CDK8: variants seen among roughly 807,000 people sequenced by gnomAD.
CDK8 encodes cyclin dependent kinase 8.
In CDK8, 29 loss-of-function variants were observed where a neutral mutation model predicts 71.5. The observed-to-expected ratio is 0.41, with a 90% CI of 0.30 to 0.55. The LOEUF (loss-of-function observed/expected upper bound fraction) is 0.55. Ranked by LOEUF, CDK8 falls within the 20% of genes least tolerant of loss-of-function variation. The probability of loss-of-function intolerance (pLI) is 0.37; values close to 1 mark genes in which losing one functional copy is unlikely to be tolerated. For missense variants in CDK8, 288 were observed against 572.6 expected (o/e 0.50, Z 5.07); for synonymous variants, 161 against 192.1 (o/e 0.84, Z 1.34).
intron 1 of CDK8, among the ~76,000 whole-genome samples, chr13:26,310,752 G>C (rs534619884): frequency 6.6e-6 from 1 of 152,244 alleles, no homozygotes; most frequent in East Asian, 1.9e-4. Flanking sequence ...TTATTGGTCT[G>C]AGGCCCTGGG....
intron 1 of CDK8, among the ~76,000 whole-genome samples, chr13:26,294,873 C>T (rs1873471847): frequency 6.6e-6 from 1 of 152,090 alleles, no homozygotes; most frequent in Non-Finnish European, 1.5e-5. Context: ...CCTCAGCCTC[C>T]TTAGTAGCTG....
chr13:26,344,056 C>T (rs1035461602), intron 2 of CDK8, among the ~76,000 whole-genome samples: 1 of 152,124 alleles, frequency 6.6e-6, no homozygotes, highest in East Asian at 1.9e-4. Context: ...CACCCTCCCT[C>T]CTCTGGTAGT....
At position 26,353,011 on chromosome 13, in the gene CDK8, G is replaced by A. The variant is rs555041462; in HGVS notation, c.316-729G>A. 3.1e-4 allele frequency among the ~76,000 whole-genome samples: 47 copies of A among 152,274 alleles called. 1 individual carries two copies. In the South Asian group the frequency reaches 8.7e-3, roughly 28 times the overall value. On this transcript the variant is annotated intron_variant, in intron 3 of 12. Coordinates refer to ENST00000381527, the MANE Select transcript of CDK8 (RefSeq NM_001260.3). ...GTGCAAGGCATAGTTTACTGCAGCC[G>A]AGTTATAGATTTTCCTGCAATTTAA...
intron 2 of CDK8, among the ~76,000 whole-genome samples, chr13:26,344,918 G>A (rs1247696303): frequency 2.6e-5 from 4 of 152,100 alleles, no homozygotes; most frequent in Non-Finnish European, 5.9e-5. Flanking sequence ...AAAGTGTAAT[G>A]TAATGAAAAC....
chr13:26,316,380 G>C (rs923334973), intron 1 of CDK8, among the ~76,000 whole-genome samples: 4 of 152,114 alleles, frequency 2.6e-5, no homozygotes, highest in Admixed American at 6.5e-5. Context: ...ACAGTAAAAA[G>C]AGAGATATAG....
At chr13:26,357,072 T>C (rs1873927777) in intron 4 of CDK8, among the ~76,000 whole-genome samples, 1 of 152,242 alleles carries the variant, frequency 6.6e-6, no homozygotes, top group African/African-American at 2.4e-5. Context: ...TATTAATTAA[T>C]AGAAATACTG....
intron 3 of CDK8, 91 bp from the exon 4 acceptor site, chr13:26,353,649 G>T: frequency 2.0e-6 from 2 of 985,500 alleles, no homozygotes; most frequent in Non-Finnish European, 1.5e-6. Flanking sequence ...GGGAATCCCT[G>T]AGTGTTTCTT....
chr13:26,391,647 A>G (rs1875749206), intron 6 of CDK8, among the ~76,000 whole-genome samples: 1 of 152,256 alleles, frequency 6.6e-6, no homozygotes, highest in Non-Finnish European at 1.5e-5. Context: ...ATACCCATAT[A>G]AAAAGAATAA....
intron 3 of CDK8, among the ~76,000 whole-genome samples, chr13:26,350,511 T>C (rs974293024): frequency 1.3e-5 from 2 of 152,274 alleles, no homozygotes; most frequent in East Asian, 1.9e-4. Flanking sequence ...TGGCACATGC[T>C]GTGGTCCCAG....
chr13:26,395,438 G>A (rs994004892), intron 7 of CDK8, among the ~76,000 whole-genome samples: 10 of 149,688 alleles, frequency 6.7e-5, no homozygotes, highest in East Asian at 2.0e-4. Context: ...AGCCGAGATC[G>A]CACCATTGCA....
At chr13:26,400,333 G>A in intron 9 of CDK8, 120 bp from the exon 10 acceptor site, 2 of 668,676 alleles carry the variant, frequency 3.0e-6, no homozygotes, top group Admixed American at 2.3e-5. Flanking sequence ...TAATTTGGGG[G>A]AATAAATATT....
intron 6 of CDK8, among the ~76,000 whole-genome samples, chr13:26,392,585 C>CA (rs1347907912): frequency 2.0e-5 from 3 of 152,102 alleles, no homozygotes; most frequent in African/African-American, 7.2e-5. Flanking sequence ...CTCAGCCTCC[C>CA]AACATGCTGG....
Position 26,254,369 on chromosome 13 carries a change from C to T in CDK8, c.-273C>T. ...GGGACAAGGGCAGAGACACCGCTCC[C>T]CACCCCCAGCCCTCGTCCCTCGGCT... On this transcript the variant is annotated 5_prime_UTR_variant, in exon 1 of 13. Coordinates refer to ENST00000381527, the MANE Select transcript of CDK8 (RefSeq NM_001260.3). The surrounding 1 kb of genome is among the most constrained non-coding windows in gnomAD (Gnocchi z 6.7). The T allele has an allele frequency of 3.2e-6, 1 of 310,614 alleles. No individual in the cohort carries two copies. Among genetic ancestry groups the T allele is most frequent in the Non-Finnish European group, 6.1e-6 (1 of 164,532 alleles). 19.2% of individuals were successfully genotyped at this position (310,614 alleles called of 1,614,324 possible).
chr13:26,352,149 T>C (rs931401974), intron 3 of CDK8, among the ~76,000 whole-genome samples: 3 of 151,998 alleles, frequency 2.0e-5, no homozygotes, highest in Admixed American at 2.0e-4. Flanking sequence ...TATTTTATTT[T>C]TATTTATATT....
chr13:26,402,161 TAACTCTG>T, intron 12 of CDK8, among the ~76,000 whole-genome samples: 1 of 152,346 alleles, frequency 6.6e-6, no homozygotes, highest in African/African-American at 2.4e-5. Flanking sequence ...TTAAATGAGA[TAACTCTG>T]GGAGGTTAAG....
rs145061331 is a variant in CDK8, at chr13:26,289,372, T to C, written c.128+34603T>C. Among the ~76,000 whole-genome samples the C allele has an allele frequency of 5.7e-3, 871 of 152,152 alleles. 6 individuals carry two copies. The highest frequency in any genetic ancestry group is 0.019 in the African/African-American group (806 of 41,516). ...CCGGCCAGCTTCAGTAGTTTTTAAG[T>C]GTAGAGTTCTTACACATCTTTTATT... On this transcript the variant is annotated intron_variant, in intron 1 of 12. Coordinates refer to ENST00000381527, the MANE Select transcript of CDK8 (RefSeq NM_001260.3).
intron 6 of CDK8, among the ~76,000 whole-genome samples, chr13:26,388,545 A>G (rs1213829320): frequency 6.6e-6 from 1 of 152,214 alleles, no homozygotes; most frequent in Admixed American, 6.5e-5. Context: ...TGATTGCCTA[A>G]TCTTATTTCC....
intron 1 of CDK8, among the ~76,000 whole-genome samples, chr13:26,283,595 G>A (rs1384704357): frequency 6.7e-6 from 1 of 150,110 alleles, no homozygotes; most frequent in Non-Finnish European, 1.5e-5. Context: ...GCAACAGAAT[G>A]AGACTCCGTC....
chr13:26,370,791 A>G (rs1244947087), intron 4 of CDK8, among the ~76,000 whole-genome samples: 2 of 152,228 alleles, frequency 1.3e-5, no homozygotes, highest in Non-Finnish European at 2.9e-5. Context: ...TTTATATTAC[A>G]TGTAAAAAAT....
Sources: gnomAD v4.1 joint callset for allele counts (sites outside exome capture counted in the v4.1 genomes callset) on GRCh38, gnomAD v4.1.1 for gene constraint, Gnocchi (gnomAD v3.1) non-coding constraint, MANE v1.5 for transcripts, NCBI Gene and HGNC (gene_info 2026-07-23, HGNC 2026-07-21) for gene names.